The following GRID2 variants were observed in gnomAD, a reference collection of about 807,000 sequenced individuals.
The protein encoded by GRID2 is glutamate ionotropic receptor delta type subunit 2.
Under a neutral mutation model 114.8 loss-of-function variants are expected in GRID2, and 33 were observed. The ratio of observed to expected loss-of-function variants is 0.29; its 90% CI spans 0.22 to 0.38. The LOEUF (loss-of-function observed/expected upper bound fraction) is 0.38. Ranked by LOEUF, GRID2 falls within the 10% of genes least tolerant of loss-of-function variation. GRID2 has a pLI of 1.00. For synonymous variants in GRID2, 505 were observed against 449.9 expected (o/e 1.12, Z -1.55); for missense variants, 1,184 against 1,257.7 (o/e 0.94, Z 0.89).
chr4:92,793,491 A>G (rs962131212), intron 2 of GRID2, among the ~76,000 whole-genome samples: 1 of 151,694 alleles, frequency 6.6e-6, no homozygotes, highest in African/African-American at 2.4e-5. Flanking sequence ...ACAAACCCCC[A>G]TGACACAAGT....
At chr4:92,762,512 C>T (rs1738069084) in intron 2 of GRID2, among the ~76,000 whole-genome samples, 2 of 151,634 alleles carry the variant, frequency 1.3e-5, no homozygotes. Context: ...AAATTTACCT[C>T]ATTAATATTT....
chr4:92,386,104 G>T (rs1431662497), intron 1 of GRID2, among the ~76,000 whole-genome samples: 1 of 151,482 alleles, frequency 6.6e-6, no homozygotes, highest in Non-Finnish European at 1.5e-5. Context: ...ACACCCTCCA[G>T]TTAAAACTCT....
intron 12 of GRID2, among the ~76,000 whole-genome samples, chr4:93,503,508 A>G (rs1728336255): frequency 1.7e-5 from 2 of 119,792 alleles, no homozygotes; most frequent in African/African-American, 6.5e-5. Context: ...TCGGTGTGTG[A>G]TGTTCCCCTT....
At chr4:93,272,793 AG>A (rs1378650285) in intron 8 of GRID2, among the ~76,000 whole-genome samples, 2 of 152,168 alleles carry the variant, frequency 1.3e-5, no homozygotes, top group Non-Finnish European at 2.9e-5. Context: ...CGACATGCAA[AG>A]GCATGTTTTC....
At chr4:93,799,768 A>G (rs965769526) in intron 1 of GRID2, among the ~76,000 whole-genome samples, 2 of 152,192 alleles carry the variant, frequency 1.3e-5, no homozygotes, top group Admixed American at 6.5e-5. Flanking sequence ...TCAAAATCCA[A>G]TTGAATTCAC....
In GRID2 at chr4:93,233,022, T is replaced by C. The variant is rs547091695; in HGVS notation, c.1126-5349T>C. ...TGTCATTGGAGGGCCTACTTAGGCC[T>C]GAGAGTGATAGATAAGTGGAAACGT... On this transcript the variant is annotated intron_variant, in intron 7 of 15. Coordinates refer to ENST00000282020, the MANE Select transcript of GRID2 (RefSeq NM_001510.4). Among the ~76,000 whole-genome samples, 3 of 152,264 alleles carry C rather than the reference T, an allele frequency of 2.0e-5. No homozygotes were observed. In the South Asian group the frequency reaches 6.2e-4, roughly 32 times the overall value.
intron 1 of GRID2, among the ~76,000 whole-genome samples, chr4:92,530,300 G>T (rs993648042): frequency 6.6e-6 from 1 of 151,920 alleles, no homozygotes; most frequent in African/African-American, 2.4e-5. Flanking sequence ...GATATTATCT[G>T]AATGTGTAAA....
At chr4:93,722,688 C>T (rs904195918) in intron 14 of GRID2, among the ~76,000 whole-genome samples, 2 of 152,158 alleles carry the variant, frequency 1.3e-5, no homozygotes, top group Admixed American at 6.5e-5. Context: ...TCTCTCTGGA[C>T]GGACTTGCAG....
intron 8 of GRID2, among the ~76,000 whole-genome samples, chr4:93,385,589 T>C (rs566346538): frequency 6.6e-6 from 1 of 152,312 alleles, no homozygotes; most frequent in South Asian, 2.1e-4. Context: ...TCTTTGCCTA[T>C]GGAACTTGCA....
chr4:92,423,829 T>A (rs1732020133), intron 1 of GRID2, among the ~76,000 whole-genome samples: 2 of 151,976 alleles, frequency 1.3e-5, no homozygotes, highest in South Asian at 4.1e-4. Context: ...ATGATGAAGA[T>A]GAGCTGCAGA....
intron 2 of GRID2, among the ~76,000 whole-genome samples, chr4:92,774,429 A>G (rs1441883674): frequency 6.6e-6 from 1 of 152,128 alleles, no homozygotes; most frequent in African/African-American, 2.4e-5. Flanking sequence ...CATTATTTGT[A>G]GAGAACTGGG....
intron 4 of GRID2, among the ~76,000 whole-genome samples, chr4:93,157,991 G>A (rs527525064): frequency 1.9e-4 from 29 of 151,960 alleles, no homozygotes; most frequent in Admixed American, 5.9e-4. Context: ...CATGACTACA[G>A]TTGCACATGT....
At chr4:93,209,457 A>G (rs1028404425) in intron 5 of GRID2, among the ~76,000 whole-genome samples, 1 of 152,150 alleles carries the variant, frequency 6.6e-6, no homozygotes, top group Non-Finnish European at 1.5e-5. Context: ...ACAGTATTCC[A>G]CAATGTATAT....
intron 8 of GRID2, among the ~76,000 whole-genome samples, chr4:93,278,155 A>G (rs1561077323): frequency 6.6e-6 from 1 of 151,914 alleles, no homozygotes; most frequent in Non-Finnish European, 1.5e-5. Flanking sequence ...ACAGGGAAAC[A>G]TCGATAATGA....
intron 2 of GRID2, among the ~76,000 whole-genome samples, chr4:92,746,878 C>T (rs1737171822): frequency 6.6e-6 from 1 of 152,018 alleles, no homozygotes. Context: ...TTTAACCCAT[C>T]GGGCCTATGC....
chr4:93,467,247 AT>A (rs146475945), intron 11 of GRID2, among the ~76,000 whole-genome samples: 8,264 of 152,252 alleles, frequency 0.054, 247 homozygotes, highest in South Asian at 0.089. Flanking sequence ...AATATAAACA[AT>A]CTGAAAATAA....
At chr4:92,812,022 C>T (rs184850184) in intron 2 of GRID2, among the ~76,000 whole-genome samples, 3 of 152,222 alleles carry the variant, frequency 2.0e-5, no homozygotes, top group Admixed American at 2.0e-4. Flanking sequence ...CATTTGTTTG[C>T]TCCCTACAAT....
chr4:93,007,886 C>A (rs1407555328), intron 2 of GRID2, among the ~76,000 whole-genome samples: 1 of 151,666 alleles, frequency 6.6e-6, no homozygotes, highest in Non-Finnish European at 1.5e-5. Context: ...ACTAAAAATA[C>A]AAAAATTAGC....
At chr4:92,937,621 A>C (rs1279404730) in intron 2 of GRID2, among the ~76,000 whole-genome samples, 2 of 146,804 alleles carry the variant, frequency 1.4e-5, no homozygotes, top group African/African-American at 4.9e-5. Context: ...TTGCAATAAG[A>C]TTTGAAGGGC....
Sources: gnomAD v4.1 joint callset for allele counts (sites outside exome capture counted in the v4.1 genomes callset) on GRCh38, gnomAD v4.1.1 for gene constraint, MANE v1.5 for transcripts, NCBI Gene and HGNC (gene_info 2026-07-23, HGNC 2026-07-21) for gene names.